The following CLIP2 variants were observed in gnomAD, a reference collection of about 807,000 sequenced individuals.
The protein encoded by CLIP2 is CAP-Gly domain-containing linker protein 2.
In CLIP2, 41 loss-of-function variants were observed where a neutral mutation model predicts 111.7. That is an observed-to-expected ratio of 0.37 (90% confidence interval 0.29 to 0.48). CLIP2 has a LOEUF of 0.48. CLIP2 is among the 20% of genes least tolerant of loss of function. CLIP2 has a pLI of 0.99. For synonymous variants in CLIP2, 660 were observed against 644.2 expected, an observed-to-expected ratio of 1.02 and a Z score of -0.37; for missense variants, 1,160 against 1,422.1, an observed-to-expected ratio of 0.82 and a Z score of 2.96.
chr7:74,317,518 C>G lies in CLIP2; in HGVS notation c.-29C>G, dbSNP rs1233277299. ...GCAGAGAGGACGTGACCAGCACTCA[C>G]CCTTGTCCACCTGCCCAGTGGCACC... is the stretch of plus-strand genomic sequence containing the variant. On this transcript the variant is annotated 5_prime_UTR_variant, in exon 2 of 17. Transcript: ENST00000223398. 2.1e-6 allele frequency: 3 copies of G among 1,395,776 alleles called. No individual in the cohort carries two copies. The highest frequency in any genetic ancestry group is 2.8e-6 in the Non-Finnish European group (3 of 1,065,072). 86.5% of individuals were successfully genotyped at this position (1,395,776 alleles called of 1,614,324 possible).
chr7:74,314,659 C>T (rs1195555222), intron 1 of CLIP2, among the ~76,000 whole-genome samples: 1 of 152,216 alleles, frequency 6.6e-6, no homozygotes, highest in Non-Finnish European at 1.5e-5. Flanking sequence ...GACTATGGTG[C>T]TCTGAATTTT....
chr7:74,337,950 A>C (rs1001018637), intron 2 of CLIP2, among the ~76,000 whole-genome samples: 2 of 152,058 alleles, frequency 1.3e-5, no homozygotes, highest in Non-Finnish European at 2.9e-5. Flanking sequence ...GAGGGCTGGA[A>C]GAGTAGGGGG....
intron 2 of CLIP2, among the ~76,000 whole-genome samples, chr7:74,322,742 G>A (rs1554730176): frequency 6.6e-6 from 1 of 151,910 alleles, no homozygotes; most frequent in Non-Finnish European, 1.5e-5. Flanking sequence ...GTTGTTGTTT[G>A]TTTTTTTGAG....
intron 15 of CLIP2, 129 bp from the exon 16 acceptor site, chr7:74,401,376 G>C: frequency 1.2e-6 from 1 of 809,828 alleles, no homozygotes; most frequent in Non-Finnish European, 2.1e-6. Context: ...GGGGTGCTGG[G>C]AGCCCCAGGC....
chr7:74,402,284 C>T (rs542238099), intron 16 of CLIP2, among the ~76,000 whole-genome samples: 7 of 149,194 alleles, frequency 4.7e-5, no homozygotes, highest in African/African-American at 1.7e-4. Context: ...GAGCCGAGAT[C>T]GCGCCACTGG....
At chr7:74,375,793 T>C in intron 9 of CLIP2, 94 bp from the exon 10 acceptor site, 2 of 1,080,220 alleles carry the variant, frequency 1.9e-6, no homozygotes, top group Non-Finnish European at 2.6e-6. Context: ...TGCCCTCGAA[T>C]GGACGCCCCC....
At chr7:74,360,121 G>A in intron 6 of CLIP2, 54 bp from the exon 7 acceptor site, 1 of 1,454,304 alleles carries the variant, frequency 6.9e-7, no homozygotes, top group Non-Finnish European at 9.4e-7. Context: ...CACCAACCTG[G>A]ACCCCATACC....
Position 74,372,929 on chromosome 7 carries a change from C to T in CLIP2, c.1381-3C>T, listed in dbSNP as rs1790674463. 3 of 1,313,080 alleles carry T rather than the reference C, an allele frequency of 2.3e-6. No individual in the cohort carries two copies. Among genetic ancestry groups the T allele is most frequent in the Non-Finnish European group, 3.0e-6 (3 of 996,456 alleles). 81.3% of individuals were successfully genotyped at this position (1,313,080 alleles called of 1,614,324 possible). A position where few individuals can be genotyped will look rare whatever the true frequency, so the allele number is the denominator to read the frequency against. On this transcript the variant is annotated splice_polypyrimidine_tract_variant and splice_region_variant and intron_variant, in intron 8 of 16. Transcript: ENST00000223398. ...CCCACCGTGTCCACCCTGGGTGGACCAGACCCAGACGCAGCTGGAGCACGC... is the reference window on the plus strand; with the variant it reads ...CCCACCGTGTCCACCCTGGGTGGACTAGACCCAGACGCAGCTGGAGCACGC...
intron 3 of CLIP2, among the ~76,000 whole-genome samples, chr7:74,345,143 G>C (rs782792615): frequency 6.6e-6 from 1 of 152,208 alleles, no homozygotes; most frequent in Non-Finnish European, 1.5e-5. Flanking sequence ...GGCCCTAGGA[G>C]ATGGTGGGAC....
intron 8 of CLIP2, among the ~76,000 whole-genome samples, chr7:74,366,875 C>CAAA (rs35336151): frequency 1.7e-4 from 11 of 66,094 alleles, no homozygotes; most frequent in East Asian, 5.0e-4. Flanking sequence ...GACTCCTTCT[C>CAAA]AAAAAAAAAA....
intron 1 of CLIP2, among the ~76,000 whole-genome samples, chr7:74,297,103 G>A (rs1335212450): frequency 6.6e-6 from 1 of 152,134 alleles, no homozygotes; most frequent in Admixed American, 6.6e-5. Flanking sequence ...TGGGGTGCAG[G>A]GGAAGAGATG....
chr7:74,359,389 T>A (rs1369735401), intron 6 of CLIP2, among the ~76,000 whole-genome samples: 1 of 149,696 alleles, frequency 6.7e-6, no homozygotes, highest in East Asian at 2.0e-4. Flanking sequence ...AGTCTCGCTC[T>A]GTCGCCCAGG....
chr7:74,388,342 C>CAA (rs1354526690), intron 12 of CLIP2, among the ~76,000 whole-genome samples: 1 of 151,438 alleles, frequency 6.6e-6, no homozygotes, highest in Non-Finnish European at 1.5e-5. Context: ...CACACACACA[C>CAA]AAAAACAATT....
intron 8 of CLIP2, among the ~76,000 whole-genome samples, chr7:74,370,472 C>T (rs1790586424): frequency 6.7e-6 from 1 of 150,280 alleles, no homozygotes; most frequent in Non-Finnish European, 1.5e-5. Flanking sequence ...AAAAAAAAAA[C>T]TAATTTAAAA....
chr7:74,301,611 C>T (rs1490925391), intron 1 of CLIP2, among the ~76,000 whole-genome samples: 3 of 151,236 alleles, frequency 2.0e-5, no homozygotes, highest in African/African-American at 7.3e-5. Flanking sequence ...AGGCTGGTCT[C>T]AAACTCCTGA....
chr7:74,390,209 GAA>G lies in CLIP2; in HGVS notation c.2720+952_2720+953del, dbSNP rs1360424164. Among the ~76,000 whole-genome samples, 9 of 98,854 alleles carry G rather than the reference GAA, an allele frequency of 9.1e-5. No individual in the cohort carries two copies. In the East Asian group the frequency reaches 1.7e-3, roughly 19 times the overall value. The allele number at this position is 98,854 out of a possible 152,430, so 64.9% of individuals were successfully genotyped here. A position where few individuals can be genotyped will look rare whatever the true frequency, so the allele number is the denominator to read the frequency against. ...AGAAAGAAAGAAAGAAAGAAAGAAA[GAA>G]AGAAAGAAAGAAAGGATTAATGCCT... is the stretch of plus-strand genomic sequence containing the variant. On this transcript the variant is annotated intron_variant, in intron 13 of 16. Transcript: ENST00000223398.
intron 1 of CLIP2, among the ~76,000 whole-genome samples, chr7:74,301,377 ATTATTATTATTG>A (rs1788330472): frequency 6.6e-6 from 1 of 151,570 alleles, no homozygotes; most frequent in South Asian, 2.1e-4. Flanking sequence ...TTATTTACTT[ATTATTATTATTG>A]TTATTATTAT....
intron 1 of CLIP2, among the ~76,000 whole-genome samples, chr7:74,309,134 GC>G (rs1270307046): frequency 4.6e-5 from 7 of 151,982 alleles, no homozygotes; most frequent in Admixed American, 2.6e-4. Context: ...CTCCCAAAGT[GC>G]TGGGATTACA....
chr7:74,302,281 T>C (rs1239729240), intron 1 of CLIP2, among the ~76,000 whole-genome samples: 5 of 151,956 alleles, frequency 3.3e-5, no homozygotes, highest in African/African-American at 4.8e-5. Flanking sequence ...AATGGCGCGA[T>C]ATCAGCTCAC....
Sources: allele counts gnomAD v4.1 joint callset (sites outside exome capture counted in the v4.1 genomes callset), GRCh38; gene constraint gnomAD v4.1.1; transcripts MANE v1.5; gene names NCBI Gene and HGNC (gene_info 2026-07-23, HGNC 2026-07-21).